The following CNTNAP3B variants were observed in gnomAD, a reference collection of about 807,000 sequenced individuals.
CNTNAP3B encodes contactin associated protein family member 3B, also known as contactin-associated protein-like 3B.
A neutral mutation model predicts 108.9 loss-of-function variants in CNTNAP3B; 25 were observed. That is an observed-to-expected ratio of 0.23 (90% CI 0.17 to 0.32). The LOEUF (loss-of-function observed/expected upper bound fraction) is 0.32, where lower values mean the gene tolerates loss of function less well. Ranked by LOEUF, CNTNAP3B falls within the 10% of genes least tolerant of loss-of-function variation. CNTNAP3B has a pLI of 1.00. For synonymous variants in CNTNAP3B, 103 were observed against 473.4 expected, an observed-to-expected ratio of 0.22 and a Z score of 10.16; for missense variants, 252 against 1,210.4, an observed-to-expected ratio of 0.21 and a Z score of 11.75.
intron 10 of CNTNAP3B, among the ~76,000 whole-genome samples, chr9:41,965,922 G>T (rs1415765275): frequency 6.6e-6 from 1 of 151,962 alleles, no homozygotes; most frequent in Admixed American, 6.5e-5. Context: ...CCCCTATCCT[G>T]GCTCTCCAGC....
Position 42,116,704 on chromosome 9 carries a change from C to T in CNTNAP3B, c.86-11965G>A, listed in dbSNP as rs1230813735. ...ACCTTAAATGTAAATAGGCTAAATC[C>T]TCCAATTAAAAGACACAGAGTGGCA... On this transcript the variant is annotated intron_variant, in intron 1 of 23. Transcript: ENST00000377561. Among the ~76,000 whole-genome samples the T allele has an allele frequency of 2.1e-4, 29 of 139,634 alleles. 5 individuals are homozygous for T. The highest frequency in any genetic ancestry group is 1.4e-4 in the Non-Finnish European group (9 of 65,094). The allele number at this position is 139,634 out of a possible 152,430, so 91.6% of individuals were successfully genotyped here.
At chr9:41,930,511 C>A (rs567500032) in intron 14 of CNTNAP3B, among the ~76,000 whole-genome samples, 2 of 151,926 alleles carry the variant, frequency 1.3e-5, no homozygotes, top group Non-Finnish European at 2.9e-5. Flanking sequence ...ACACTGCACT[C>A]CAGCCTGGGT....
At chr9:42,095,608 G>A (rs1436365973) in intron 2 of CNTNAP3B, among the ~76,000 whole-genome samples, 1 of 137,736 alleles carries the variant, frequency 7.3e-6, no homozygotes, top group Non-Finnish European at 1.5e-5. Flanking sequence ...ACAAACTCAT[G>A]AGGGAAAATG....
chr9:42,076,989 C>G lies in CNTNAP3B; in HGVS notation c.270G>C (p.Glu90Asp). The G allele has an allele frequency of 6.6e-7, 1 of 1,523,284 alleles. No homozygotes were observed. The highest frequency in any genetic ancestry group is 2.4e-5 in the East Asian group (1 of 41,216). 94.4% of individuals were successfully genotyped at this position (1,523,284 alleles called of 1,614,324 possible). ...WLQIDLGERMEVTAVATQGGY... is the reference protein window; with the variant it reads ...WLQIDLGERMDVTAVATQGGY... Reference sequence around the variant, plus strand: ...CTCCTTGGGTGGCGACAGCAGTGACCTCCATTCTCTCTCCAAGGTCAATTT... The same window carrying G: ...CTCCTTGGGTGGCGACAGCAGTGACGTCCATTCTCTCTCCAAGGTCAATTT... The change falls in exon 3 of 24, where the codon GAG becomes GAC. Residue 90 changes from glutamate to aspartate, a missense_variant. Coordinates refer to ENST00000377561, the MANE Select transcript of CNTNAP3B (RefSeq NM_001201380.3).
chr9:42,019,797 T>A (rs1382674660), intron 3 of CNTNAP3B, among the ~76,000 whole-genome samples: 76 of 123,152 alleles, frequency 6.2e-4, no homozygotes, highest in South Asian at 7.9e-4. Flanking sequence ...GAATCTAAAG[T>A]TTTCTCTAGC....
intron 2 of CNTNAP3B, among the ~76,000 whole-genome samples, chr9:42,080,424 G>A (rs1278448286): frequency 7.2e-6 from 1 of 139,724 alleles, no homozygotes; most frequent in Non-Finnish European, 1.5e-5. Flanking sequence ...CATTTTAAGG[G>A]TAAGCTGCTG....
At chr9:42,126,805 G>T (rs1828581105) in intron 1 of CNTNAP3B, among the ~76,000 whole-genome samples, 1 of 137,714 alleles carries the variant, frequency 7.3e-6, no homozygotes, top group South Asian at 2.3e-4. Context: ...CCTGACCTCA[G>T]GTGATCCACC....
chr9:42,049,501 G>T (rs1439818313), intron 3 of CNTNAP3B, among the ~76,000 whole-genome samples: 1 of 133,922 alleles, frequency 7.5e-6, no homozygotes, highest in African/African-American at 3.0e-5. Context: ...GCCTTCACAG[G>T]TTCTGCAAAC....
chr9:41,943,659 G>A (rs1824434218), intron 13 of CNTNAP3B, among the ~76,000 whole-genome samples: 4 of 147,372 alleles, frequency 2.7e-5, no homozygotes, highest in African/African-American at 1.0e-4. Context: ...CAGCCCTGTT[G>A]GATAAATTCA....
intron 13 of CNTNAP3B, 150 bp from the exon 14 acceptor site, chr9:41,938,550 T>A (rs1203597287): frequency 7.3e-7 from 1 of 1,368,396 alleles, no homozygotes; most frequent in Non-Finnish European, 9.9e-7. Flanking sequence ...GTATTTTACC[T>A]CTGAAACGTT....
Position 41,941,181 on chromosome 9 carries a change from T to C in CNTNAP3B, c.2081-2781A>G, listed in dbSNP as rs1451645076. On this transcript the variant is annotated intron_variant, in intron 13 of 23. Coordinates refer to ENST00000377561, the MANE Select transcript of CNTNAP3B (RefSeq NM_001201380.3). ...ACTGTGGTAAGTCACATATGTACAC[T>C]ATAATACCAAGCAACGAGTAAGAAA... is the stretch of plus-strand genomic sequence containing the variant. 3.2e-3 allele frequency among the ~76,000 whole-genome samples: 483 copies of C among 150,600 alleles called. 2 individuals are homozygous for C. The highest frequency in any genetic ancestry group is 6.8e-3 in the Middle Eastern group (2 of 294).
At chr9:41,958,854 A>G (rs1347813262) in intron 12 of CNTNAP3B, among the ~76,000 whole-genome samples, 134 of 144,764 alleles carry the variant, frequency 9.3e-4, no homozygotes, top group African/African-American at 3.4e-3. Flanking sequence ...TGGAAGCATG[A>G]GGAGATTTTT....
chr9:41,954,362 G>T (rs560872480), intron 12 of CNTNAP3B, among the ~76,000 whole-genome samples: 2 of 152,368 alleles, frequency 1.3e-5, no homozygotes, highest in South Asian at 4.1e-4. Flanking sequence ...TGGCTTGTGC[G>T]TAAGACAAAT....
In CNTNAP3B at chr9:42,109,957, G is replaced by A. The variant is rs1478576671; in HGVS notation, c.86-5218C>T. Among the ~76,000 whole-genome samples the A allele has an allele frequency of 9.4e-5, 13 of 138,510 alleles. 3 individuals are homozygous for A. Among genetic ancestry groups the A allele is most frequent in the East Asian group, 2.2e-4 (1 of 4,556 alleles). 90.9% of individuals were successfully genotyped at this position (138,510 alleles called of 152,430 possible). ...GAGGCACCCACAAGGTGAGGCACAC[G>A]GGCAACCACAGGAAGCCGGAAGAAA... is the stretch of plus-strand genomic sequence containing the variant. On this transcript the variant is annotated intron_variant, in intron 1 of 23. Transcript: ENST00000377561.
intron 10 of CNTNAP3B, among the ~76,000 whole-genome samples, chr9:41,966,695 TG>T (rs1472272595): frequency 6.6e-6 from 1 of 152,232 alleles, no homozygotes; most frequent in Non-Finnish European, 1.5e-5. Flanking sequence ...TGGCTGGGTG[TG>T]GTGGCTCACG....
At chr9:41,931,315 T>C (rs1412360914) in intron 14 of CNTNAP3B, among the ~76,000 whole-genome samples, 4 of 152,160 alleles carry the variant, frequency 2.6e-5, no homozygotes, top group African/African-American at 9.7e-5. Flanking sequence ...AGTTATCCTC[T>C]GTGGTGGGAA....
At chr9:41,926,306 C>T (rs1248932847) in intron 15 of CNTNAP3B, among the ~76,000 whole-genome samples, 1 of 152,196 alleles carries the variant, frequency 6.6e-6, no homozygotes, top group Non-Finnish European at 1.5e-5. Flanking sequence ...TGCAGATCCC[C>T]TAGTCCCAGC....
chr9:42,071,192 G>A (rs1031096545), intron 3 of CNTNAP3B, among the ~76,000 whole-genome samples: 5 of 144,870 alleles, frequency 3.5e-5, no homozygotes, highest in African/African-American at 8.1e-5. Flanking sequence ...GACACAGGCT[G>A]GAGGCGGGTG....
intron 1 of CNTNAP3B, among the ~76,000 whole-genome samples, chr9:42,125,473 C>A (rs1033941857): frequency 2.1e-5 from 3 of 141,570 alleles, no homozygotes; most frequent in African/African-American, 2.8e-5. Context: ...AACTGAATGA[C>A]CTTGGACTGA....
Sources: allele counts gnomAD v4.1 joint callset (sites outside exome capture counted in the v4.1 genomes callset), GRCh38; gene constraint gnomAD v4.1.1; transcripts MANE v1.5; gene names NCBI Gene and HGNC (gene_info 2026-07-23, HGNC 2026-07-21).